NLRP13: variants seen among roughly 807,000 people sequenced by gnomAD.
NLRP13 encodes NLR family pyrin domain containing 13.
A neutral mutation model predicts 94.4 loss-of-function variants in NLRP13; 82 were observed. That is an observed-to-expected ratio of 0.87 (90% CI 0.73 to 1.04). The LOEUF is 1.04. Among genes scored for constraint, NLRP13 ranks in the 50% least tolerant of loss-of-function variants. The pLI is 0.00. For missense variants in NLRP13, 1,426 were observed against 1,230.8 expected (o/e 1.16, Z -2.37); for synonymous variants, 553 against 464.7 (o/e 1.19, Z -2.45).
chr19:55,904,048 C>T (rs1986266514), intron 8 of NLRP13, among the ~76,000 whole-genome samples: 1 of 152,174 alleles, frequency 6.6e-6, no homozygotes, highest in South Asian at 2.1e-4. Context: ...CACCCTCACT[C>T]TACTCCAACC....
At chr19:55,907,984 G>A in intron 6 of NLRP13, 28 bp from the exon 7 acceptor site, 1 of 1,574,106 alleles carries the variant, frequency 6.4e-7, no homozygotes, top group Middle Eastern at 1.9e-4. Flanking sequence ...CATGAAAGCT[G>A]GATTGGGGGA....
intron 9 of NLRP13, among the ~76,000 whole-genome samples, chr19:55,900,775 T>TAACAAAA (rs1555813815): frequency 7.5e-6 from 1 of 134,188 alleles, no homozygotes; most frequent in Non-Finnish European, 1.6e-5. Flanking sequence ...GACTCCATCT[T>TAACAAAA]AAAAAAAAAA....
At chr19:55,896,184 T>C in intron 10 of NLRP13, 65 bp from the exon 11 acceptor site, 3 of 1,545,892 alleles carry the variant, frequency 1.9e-6, no homozygotes, top group Non-Finnish European at 2.6e-6. Context: ...AGAAAAGAGA[T>C]ACCACATCTG....
rs920872301 is a variant in NLRP13 at position 55,906,406 on chromosome 19, G to A, written c.2448-1294C>T. Among the ~76,000 whole-genome samples, 3 of 148,286 alleles carry A rather than the reference G, an allele frequency of 2.0e-5. No individual in the cohort carries two copies. In the Admixed American group the frequency reaches 2.0e-4, roughly 10 times the overall value. Reference sequence around the variant, plus strand: ...AGAAAGACAGAAAGATAGAAAATAAGTATGTCAATGTGATAAGTAAATGCA... The same window carrying A: ...AGAAAGACAGAAAGATAGAAAATAAATATGTCAATGTGATAAGTAAATGCA... On this transcript the variant is annotated intron_variant, in intron 7 of 10. Transcript: ENST00000342929.
At position 55,913,548 on chromosome 19, in the gene NLRP13, C is replaced by CAAAAAAAAAAAAAAAAAAAA. The variant is rs10530056; in HGVS notation, c.524-275_524-256dup. ...TGGGTGACAGAGTGAGACTCCGTCT[C>CAAAAAAAAAAAAAAAAAAAA]AAAAAAAAAAAAAAAAAAAAAAAGT... On this transcript the variant is annotated intron_variant, in intron 4 of 10. Coordinates refer to ENST00000342929, the MANE Select transcript of NLRP13 (RefSeq NM_176810.2). 2.2e-3 allele frequency among the ~76,000 whole-genome samples: 112 copies of CAAAAAAAAAAAAAAAAAAAA among 52,060 alleles called. 8 individuals carry two copies. Among genetic ancestry groups the CAAAAAAAAAAAAAAAAAAAA allele is most frequent in the Admixed American group, 2.6e-3 (15 of 5,806 alleles). 34.2% of individuals were successfully genotyped at this position (52,060 alleles called of 152,430 possible).
chr19:55,924,569 T>C (rs1986921383), intron 3 of NLRP13, 21 bp downstream of exon 3: 1 of 1,587,494 alleles, frequency 6.3e-7, no homozygotes, highest in Non-Finnish European at 8.6e-7. Context: ...CTGTCAATTA[T>C]CAACCAAGTA....
chr19:55,925,964 C>A (rs1032253218), intron 1 of NLRP13, among the ~76,000 whole-genome samples: 6 of 152,082 alleles, frequency 3.9e-5, no homozygotes, highest in Admixed American at 1.3e-4. Context: ...GGAGTCTGAG[C>A]CCTACGTCCA....
At chr19:55,927,487 T>TC (rs768897968) in intron 1 of NLRP13, among the ~76,000 whole-genome samples, 1 of 151,050 alleles carries the variant, frequency 6.6e-6, no homozygotes, top group East Asian at 1.9e-4. Flanking sequence ...GTTCTGGACT[T>TC]CCATTTGTAC....
chr19:55,901,063 C>T (rs1986156018), intron 9 of NLRP13, among the ~76,000 whole-genome samples: 1 of 152,134 alleles, frequency 6.6e-6, no homozygotes, highest in African/African-American at 2.4e-5. Flanking sequence ...AATGGGCTGC[C>T]CTGGTAGACC....
chr19:55,898,430 G>A (rs2123102533), intron 10 of NLRP13, among the ~76,000 whole-genome samples: 1 of 152,168 alleles, frequency 6.6e-6, no homozygotes, highest in Middle Eastern at 3.4e-3. Flanking sequence ...GGCTTGTCTT[G>A]AGCTCCTGAC....
intron 1 of NLRP13, among the ~76,000 whole-genome samples, chr19:55,930,900 A>ACACGT (rs56336813): frequency 5.7e-5 from 6 of 105,120 alleles, no homozygotes; most frequent in Admixed American, 1.0e-4. Context: ...ATATATATAA[A>ACACGT]ATTTTAACCA....
chr19:55,912,483 A>G lies in NLRP13; in HGVS notation c.1334T>C (p.Leu445Pro), dbSNP rs940908213. 3.1e-6 allele frequency: 5 copies of G among 1,614,040 alleles called. No individual in the cohort carries two copies. The highest frequency in any genetic ancestry group is 3.4e-6 in the Non-Finnish European group (4 of 1,179,986). ...LKQPKVRYYDLQSITQTTTSL... is the reference protein window; with the variant it reads ...LKQPKVRYYDPQSITQTTTSL... Reference sequence around the variant, plus strand: ...GGTGGTAGTCTGAGTGATTGACTGGAGATCGTAATACCTCACCTTCGGCTG... The same window carrying G: ...GGTGGTAGTCTGAGTGATTGACTGGGGATCGTAATACCTCACCTTCGGCTG... Residue 445 changes from leucine to proline, a missense_variant, in exon 5 of 11, where the codon CTC (leucine) becomes CCC (proline). Physicochemically the swap from Leu to Pro is moderately conservative, Grantham distance 98. Transcript: ENST00000342929.
intron 8 of NLRP13, among the ~76,000 whole-genome samples, chr19:55,904,724 C>T (rs752979261): frequency 6.6e-6 from 1 of 152,142 alleles, no homozygotes; most frequent in Non-Finnish European, 1.5e-5. Flanking sequence ...TCCTGGGGTC[C>T]TCGTGGAAAT....
At chr19:55,901,710 T>C (rs892506853) in intron 9 of NLRP13, among the ~76,000 whole-genome samples, 1 of 152,180 alleles carries the variant, frequency 6.6e-6, no homozygotes. Flanking sequence ...CTCTGGACTC[T>C]GTCCCAAGCC....
intron 5 of NLRP13, among the ~76,000 whole-genome samples, 162 bp downstream of exon 5, chr19:55,911,544 T>C (rs1344325360): frequency 6.6e-6 from 1 of 152,254 alleles, no homozygotes; most frequent in East Asian, 1.9e-4. Context: ...AGGTGATGCC[T>C]AAAGGACAAC....
At chr19:55,930,045 T>C (rs35647682) in intron 1 of NLRP13, among the ~76,000 whole-genome samples, 28,061 of 152,084 alleles carry the variant, frequency 0.18, 2,822 homozygotes, top group African/African-American at 0.26. Flanking sequence ...AGTCTCCATC[T>C]CATCCTCCTT....
intron 8 of NLRP13, 94 bp from the exon 9 acceptor site, chr19:55,902,299 C>A: frequency 7.0e-6 from 7 of 999,540 alleles, no homozygotes; most frequent in Non-Finnish European, 1.0e-5. Flanking sequence ...CGAGCCTACA[C>A]ATGCAGCAGC....
intron 7 of NLRP13, 147 bp from the exon 8 acceptor site, chr19:55,905,259 G>C: frequency 1.1e-6 from 1 of 943,926 alleles, no homozygotes; most frequent in Non-Finnish European, 1.5e-6. Flanking sequence ...AGGAGAAAAA[G>C]GGCCAGGCGC....
rs1399065227 is a variant in NLRP13, at chr19:55,911,960, C to T, written c.1857G>A (p.Trp619Ter). The T allele has an allele frequency of 1.2e-6, 2 of 1,614,040 alleles. No individual in the cohort carries two copies. Among genetic ancestry groups the T allele is most frequent in the South Asian group, 2.2e-5 (2 of 91,086 alleles). ...TTTCAGCCTTACCTAACTCTTCTCC[C>T]CACTTTAATAATTCCTCCATTACCC... ...SPRVMEELLKWGEELGKAESA... is the reference protein window; with the variant it reads ...SPRVMEELLK The change falls in exon 5 of 11, where the codon TGG (tryptophan) becomes TGA (stop). Residue 619 changes from tryptophan (W) to a stop codon, truncating the protein, a stop_gained. Coordinates refer to ENST00000342929, the MANE Select transcript of NLRP13 (RefSeq NM_176810.2). LOFTEE classifies it high-confidence loss of function.
Sources: allele counts gnomAD v4.1 joint callset (sites outside exome capture counted in the v4.1 genomes callset), GRCh38; gene constraint gnomAD v4.1.1; transcripts MANE v1.5; gene names NCBI Gene and HGNC (gene_info 2026-07-23, HGNC 2026-07-21).